RUNX1T1: variants seen among roughly 807,000 people sequenced by gnomAD.
RUNX1T1 encodes protein CBFA2T1.
Under a neutral mutation model 62.8 loss-of-function variants are expected in RUNX1T1, and 4 were observed. That is an observed-to-expected ratio of 0.06 (90% CI 0.03 to 0.15). The LOEUF is 0.15. Ranked by LOEUF, RUNX1T1 falls within the 10% of genes least tolerant of loss-of-function variation. The probability of loss-of-function intolerance (pLI) is 1.00; values close to 1 mark genes in which losing one functional copy is unlikely to be tolerated. For missense variants in RUNX1T1, 508 were observed against 754.3 expected, an observed-to-expected ratio of 0.67 and a Z score of 3.82; for synonymous variants, 291 against 286.0, an observed-to-expected ratio of 1.02 and a Z score of -0.18.
At chr8:91,984,378 T>C (rs565817887) in intron 8 of RUNX1T1, among the ~76,000 whole-genome samples, 5 of 152,316 alleles carry the variant, frequency 3.3e-5, no homozygotes, top group South Asian at 2.1e-4. Flanking sequence ...GTTTCTTTTA[T>C]AGTGGATGGC....
intron 1 of RUNX1T1, among the ~76,000 whole-genome samples, chr8:92,048,909 T>A (rs76946711): frequency 5.9e-5 from 9 of 152,058 alleles, no homozygotes; most frequent in South Asian, 2.1e-4. Flanking sequence ...AGCAGTGTAG[T>A]TTGCAATATT....
intron 5 of RUNX1T1, among the ~76,000 whole-genome samples, chr8:92,002,348 AC>A (rs1403793986): frequency 1.3e-5 from 2 of 152,088 alleles, no homozygotes; most frequent in Non-Finnish European, 2.9e-5. Flanking sequence ...AAAACAAAAA[AC>A]AAAAAACAAT....
chr8:91,978,207 A>G (rs1814406772), intron 8 of RUNX1T1, among the ~76,000 whole-genome samples: 1 of 152,198 alleles, frequency 6.6e-6, no homozygotes, highest in Non-Finnish European at 1.5e-5. Flanking sequence ...GGCTGAAGAA[A>G]GTTAGTTCTA....
intron 1 of RUNX1T1, among the ~76,000 whole-genome samples, chr8:92,053,474 T>C (rs1179882794): frequency 6.6e-6 from 1 of 152,202 alleles, no homozygotes. Flanking sequence ...GCCCTTTGTT[T>C]CTAATTTTAG....
chr8:91,963,712 T>C (rs1692298708), intron 10 of RUNX1T1, among the ~76,000 whole-genome samples: 1 of 152,256 alleles, frequency 6.6e-6, no homozygotes, highest in Non-Finnish European at 1.5e-5. Context: ...CACGTGTCTA[T>C]CCACAAGGGC....
intron 1 of RUNX1T1, among the ~76,000 whole-genome samples, chr8:92,044,184 G>C (rs1185601255): frequency 6.6e-6 from 1 of 152,032 alleles, no homozygotes; most frequent in African/African-American, 2.4e-5. Flanking sequence ...AAAAATCCTT[G>C]ATAAGTAGCT....
intron 1 of RUNX1T1, among the ~76,000 whole-genome samples, chr8:92,022,997 G>A (rs925481294): frequency 2.0e-5 from 3 of 152,108 alleles, no homozygotes; most frequent in Non-Finnish European, 4.4e-5. Flanking sequence ...AATCTTTGGG[G>A]GCAAATTCTC....
At chr8:92,069,717 G>A (rs1316505235) in intron 2 of RUNX1T1, among the ~76,000 whole-genome samples, 1 of 152,010 alleles carries the variant, frequency 6.6e-6, no homozygotes, top group African/African-American at 2.4e-5. Context: ...GGTTTTACCA[G>A]GCAAAAGAGA....
chr8:91,960,119 C>T, exon 11 of RUNX1T1: 1 of 1,035,558 alleles, frequency 9.7e-7, no homozygotes. Context: ...TGCTGAAGTA[C>T]TGAAATAGGA....
intron 10 of RUNX1T1, among the ~76,000 whole-genome samples, chr8:91,968,336 C>T (rs537666325): frequency 2.6e-5 from 4 of 152,274 alleles, no homozygotes; most frequent in African/African-American, 9.6e-5. Context: ...GACAGCTCCA[C>T]CCAAAGTGGG....
At chr8:91,981,636 C>T (rs926510298) in intron 8 of RUNX1T1, among the ~76,000 whole-genome samples, 1 of 151,552 alleles carries the variant, frequency 6.6e-6, no homozygotes, top group Non-Finnish European at 1.5e-5. Flanking sequence ...AGGATGATCT[C>T]GATATCCTGA....
upstream of RUNX1T1, chr8:92,102,840 C>A: frequency 6.6e-7 from 1 of 1,513,726 alleles, no homozygotes; most frequent in Non-Finnish European, 8.8e-7. The surrounding 1 kb of genome is among the most constrained non-coding windows in gnomAD (Gnocchi z 4.5). Context: ...CGGCCAAGCC[C>A]TACCGCGGAC....
chr8:92,100,958 G>A (rs1339498233), upstream of RUNX1T1, among the ~76,000 whole-genome samples: 1 of 152,168 alleles, frequency 6.6e-6, no homozygotes, highest in Non-Finnish European at 1.5e-5. Flanking sequence ...ACATGGTCAA[G>A]GCAAACGCTG....
chr8:92,018,074 G>A (rs1376034791), intron 1 of RUNX1T1, among the ~76,000 whole-genome samples: 1 of 152,150 alleles, frequency 6.6e-6, no homozygotes, highest in Admixed American at 6.5e-5. Context: ...GTCCCAAACA[G>A]AGAACTAAAA....
At chr8:92,085,745 C>G (rs577320661) in intron 1 of RUNX1T1, among the ~76,000 whole-genome samples, 1 of 152,150 alleles carries the variant, frequency 6.6e-6, no homozygotes, top group Non-Finnish European at 1.5e-5. Flanking sequence ...TCTTAATGAA[C>G]CATATCCTAA....
chr8:92,073,571 G>A (rs1232336743), intron 2 of RUNX1T1, among the ~76,000 whole-genome samples: 1 of 152,044 alleles, frequency 6.6e-6, no homozygotes, highest in East Asian at 1.9e-4. Context: ...ATGGATTCCA[G>A]GTGTTCTAAA....
chr8:91,999,832 T>C (rs1159680418), intron 5 of RUNX1T1, among the ~76,000 whole-genome samples: 3 of 152,140 alleles, frequency 2.0e-5, no homozygotes, highest in Admixed American at 6.5e-5. Flanking sequence ...AATTATGGCA[T>C]ATAAGAATTA....
intron 1 of RUNX1T1, among the ~76,000 whole-genome samples, chr8:92,052,244 T>C (rs1830355755): frequency 6.6e-6 from 1 of 152,206 alleles, no homozygotes; most frequent in African/African-American, 2.4e-5. Flanking sequence ...CAAGACTAAC[T>C]GATATTACTG....
upstream of RUNX1T1, among the ~76,000 whole-genome samples, chr8:92,067,228 T>C (rs1343876350): frequency 6.6e-6 from 1 of 152,222 alleles, no homozygotes; most frequent in African/African-American, 2.4e-5. Flanking sequence ...ATACAGACAT[T>C]ACAGACGCGG....
Sources: allele counts gnomAD v4.1 joint callset (sites outside exome capture counted in the v4.1 genomes callset), GRCh38; gene constraint gnomAD v4.1.1; non-coding constraint Gnocchi (gnomAD v3.1); transcripts MANE v1.5; gene names NCBI Gene and HGNC (gene_info 2026-07-23, HGNC 2026-07-21).